Variants in PDE3A observed in about 807,000 individuals in gnomAD.
PDE3A encodes the protein phosphodiesterase 3A, also known as cGMP-inhibited 3',5'-cyclic phosphodiesterase 3A.
A neutral mutation model predicts 98.3 loss-of-function variants in PDE3A; 43 were observed. The observed-to-expected ratio is 0.44, with a 90% CI of 0.34 to 0.56. PDE3A has a LOEUF of 0.56. Among genes scored for constraint, PDE3A ranks in the 20% least tolerant of loss-of-function variants. PDE3A has a pLI of 0.01. For missense variants in PDE3A, 1,427 were observed against 1,440.7 expected, an observed-to-expected ratio of 0.99 and a Z score of 0.15; for synonymous variants, 663 against 567.9, an observed-to-expected ratio of 1.17 and a Z score of -2.38.
intron 15 of PDE3A, among the ~76,000 whole-genome samples, chr12:20,663,941 T>C (rs1169818107): frequency 6.6e-6 from 1 of 152,158 alleles, no homozygotes; most frequent in Non-Finnish European, 1.5e-5. Context: ...GTAGTTTACA[T>C]AATCTCCATG....
intron 1 of PDE3A, among the ~76,000 whole-genome samples, chr12:20,489,375 T>C (rs58978231): frequency 0.13 from 19,511 of 152,080 alleles, 1,856 homozygotes; most frequent in African/African-American, 0.27. Flanking sequence ...CAGAAGCAAG[T>C]CTTGAGGTGG....
intron 15 of PDE3A, among the ~76,000 whole-genome samples, chr12:20,670,766 C>T (rs896727608): frequency 5.8e-5 from 8 of 137,980 alleles, no homozygotes; most frequent in African/African-American, 2.3e-4. Context: ...AAAATTGACA[C>T]CCTAACATCA....
At chr12:20,370,400 G>GTT (rs776856187) in intron 1 of PDE3A, 156 bp downstream of exon 1, 17 of 359,800 alleles carry the variant, frequency 4.7e-5, no homozygotes, top group Admixed American at 2.1e-4. Context: ...TTTTTTTTTT[G>GTT]TTTTTTTTGT....
intron 1 of PDE3A, among the ~76,000 whole-genome samples, chr12:20,457,947 T>C (rs921796202): frequency 1.3e-5 from 2 of 152,146 alleles, no homozygotes; most frequent in South Asian, 2.1e-4. Flanking sequence ...TTAGATATTA[T>C]GATTACTTTT....
chr12:20,490,280 G>A (rs1340666034), intron 1 of PDE3A, among the ~76,000 whole-genome samples: 2 of 152,110 alleles, frequency 1.3e-5, no homozygotes, highest in Non-Finnish European at 1.5e-5. Flanking sequence ...ATTTAAAAAT[G>A]GATATTGAAA....
At chr12:20,439,675 G>A (rs183275817) in intron 1 of PDE3A, among the ~76,000 whole-genome samples, 2 of 152,114 alleles carry the variant, frequency 1.3e-5, no homozygotes, top group African/African-American at 4.8e-5. Flanking sequence ...TCTTTACCTT[G>A]TAGCCTTGCA....
intron 1 of PDE3A, among the ~76,000 whole-genome samples, chr12:20,554,533 G>A (rs369620656): frequency 4.7e-4 from 70 of 149,826 alleles, no homozygotes; most frequent in Non-Finnish European, 8.9e-4. Context: ...TTATTATAAG[G>A]TTAGGCTTTA....
chr12:20,581,387 G>A (rs191906264), intron 2 of PDE3A, among the ~76,000 whole-genome samples: 59 of 152,198 alleles, frequency 3.9e-4, no homozygotes, highest in Admixed American at 3.3e-3. Context: ...ATTGATACAG[G>A]TAGTGGTATG....
chr12:20,399,656 A>G (rs1472197909), intron 1 of PDE3A, among the ~76,000 whole-genome samples: 1 of 152,238 alleles, frequency 6.6e-6, no homozygotes, highest in Non-Finnish European at 1.5e-5. Context: ...CTCTTAACAA[A>G]TAACAAAAAT....
In PDE3A at chr12:20,394,519, G is replaced by A. The variant is rs973486650; in HGVS notation, c.960+24275G>A. Among the ~76,000 whole-genome samples, 10 of 152,130 alleles carry A rather than the reference G, an allele frequency of 6.6e-5. No homozygotes were observed. The South Asian group carries it at 1.4e-3, about 22-fold the overall frequency. Reference sequence around the variant, plus strand: ...ATGAAATGGACTATTAATCTGAAGAGTTGCACCTGGAATTTTTTAACTAAT... The same window carrying A: ...ATGAAATGGACTATTAATCTGAAGAATTGCACCTGGAATTTTTTAACTAAT... On this transcript the variant is annotated intron_variant, in intron 1 of 15. Transcript: ENST00000359062.
intron 2 of PDE3A, among the ~76,000 whole-genome samples, chr12:20,573,875 AAC>A (rs2121319177): frequency 6.6e-6 from 1 of 152,218 alleles, no homozygotes; most frequent in Non-Finnish European, 1.5e-5. Flanking sequence ...GGGTTTTCCA[AAC>A]AGTCTTGTAA....
intron 1 of PDE3A, among the ~76,000 whole-genome samples, chr12:20,505,835 A>G (rs1012507925): frequency 3.3e-5 from 5 of 152,000 alleles, no homozygotes; most frequent in Non-Finnish European, 7.4e-5. Flanking sequence ...GCAAGAAAAT[A>G]TTTTTGTATA....
chr12:20,657,623 T>A (rs1448901585), intron 15 of PDE3A, among the ~76,000 whole-genome samples: 17 of 152,214 alleles, frequency 1.1e-4, no homozygotes, highest in Non-Finnish European at 4.4e-5. Context: ...AATGAAAGGC[T>A]CTTTGTTCTC....
At chr12:20,662,962 G>A (rs369754069) in intron 15 of PDE3A, among the ~76,000 whole-genome samples, 10 of 152,148 alleles carry the variant, frequency 6.6e-5, no homozygotes, top group African/African-American at 1.9e-4. Context: ...CAGAAAAAAC[G>A]ATTTCACAGG....
intron 2 of PDE3A, among the ~76,000 whole-genome samples, chr12:20,559,774 T>C (rs1486460908): frequency 3.3e-5 from 5 of 152,210 alleles, no homozygotes; most frequent in African/African-American, 1.2e-4. Flanking sequence ...AGTGATGATG[T>C]CTGAGGTGTG....
At chr12:20,415,372 G>A (rs952062451) in intron 1 of PDE3A, among the ~76,000 whole-genome samples, 6 of 151,246 alleles carry the variant, frequency 4.0e-5, no homozygotes, top group African/African-American at 7.3e-5. Flanking sequence ...CAGTTCACTC[G>A]GAATAAGCCG....
At chr12:20,424,659 A>C (rs7304841) in intron 1 of PDE3A, among the ~76,000 whole-genome samples, 65,491 of 152,046 alleles carry the variant, frequency 0.43, 14,234 homozygotes, top group Admixed American at 0.52. Flanking sequence ...ACTGCTAGGC[A>C]TACGTGTCAG....
chr12:20,648,804 T>C lies in PDE3A; in HGVS notation c.2682T>C (p.Phe894=). The C allele has an allele frequency of 6.2e-7, 1 of 1,613,834 alleles. No homozygotes were observed. The highest frequency in any genetic ancestry group is 8.5e-7 in the Non-Finnish European group (1 of 1,179,686). The change falls in exon 13 of 16, where the codon TTT becomes TTC. Residue 894 remains phenylalanine (F), a synonymous_variant. Coordinates refer to ENST00000359062, the MANE Select transcript of PDE3A (RefSeq NM_000921.5). ...TAATTAACCTTGACCATGTGGAATTTAAGCATTTCCGTTTCCTTGTCATTG... is the reference window on the plus strand; with the variant it reads ...TAATTAACCTTGACCATGTGGAATTCAAGCATTTCCGTTTCCTTGTCATTG... ...NFLINLDHVE[F]KHFRFLVIEA... is the part of the protein sequence containing the mutation.
chr12:20,370,160 C>CA lies in PDE3A; in HGVS notation c.877dup (p.Ser293LysfsTer111). 5 of 1,612,998 alleles carry CA rather than the reference C, an allele frequency of 3.1e-6. No homozygotes were observed. The highest frequency in any genetic ancestry group is 4.2e-6 in the Non-Finnish European group (5 of 1,179,690). ...CGGTGTTTAAGAGGAGGAGGCGGTC[C>CA]AGCTCCGTCGTGTCCGCCGAGATGT... On this transcript the variant is annotated frameshift_variant, in exon 1 of 16. Transcript: ENST00000359062. LOFTEE classifies it high-confidence loss of function.
Sources: gnomAD v4.1 joint callset for allele counts (sites outside exome capture counted in the v4.1 genomes callset) on GRCh38, gnomAD v4.1.1 for gene constraint, MANE v1.5 for transcripts, NCBI Gene and HGNC (gene_info 2026-07-23, HGNC 2026-07-21) for gene names.